Variants in SLC4A10 observed in about 807,000 individuals in gnomAD.
SLC4A10 encodes sodium-driven chloride bicarbonate exchanger.
In SLC4A10, 42 loss-of-function variants were observed where a neutral mutation model predicts 137.7. The ratio of observed to expected loss-of-function variants is 0.30; its 90% CI spans 0.24 to 0.39. SLC4A10 has a LOEUF of 0.39. SLC4A10 is among the 10% of genes least tolerant of loss of function. SLC4A10 has a pLI of 1.00. For missense variants in SLC4A10, 925 were observed against 1,355.0 expected (o/e 0.68, Z 4.98); for synonymous variants, 474 against 464.1 (o/e 1.02, Z -0.27).
At chr2:161,726,931 G>T (rs1249577243) in intron 1 of SLC4A10, among the ~76,000 whole-genome samples, 1 of 152,072 alleles carries the variant, frequency 6.6e-6, no homozygotes, top group Non-Finnish European at 1.5e-5. Context: ...AACAAACAAA[G>T]AGACTCAAGT....
intron 3 of SLC4A10, among the ~76,000 whole-genome samples, chr2:161,836,946 C>T (rs1414777685): frequency 6.6e-6 from 1 of 152,126 alleles, no homozygotes; most frequent in Non-Finnish European, 1.5e-5. Flanking sequence ...ATTCTATATC[C>T]ACTGACATAT....
intron 6 of SLC4A10, among the ~76,000 whole-genome samples, chr2:161,869,037 T>A (rs921122150): frequency 6.6e-6 from 1 of 151,692 alleles, no homozygotes; most frequent in Non-Finnish European, 1.5e-5. Context: ...TATAGCACTT[T>A]AAAAAAATTA....
rs1178999780 is a variant in SLC4A10, at chr2:161,958,475, G to A, written c.2794-12G>A. On this transcript the variant is annotated splice_polypyrimidine_tract_variant and intron_variant, in intron 20 of 26. Coordinates refer to ENST00000446997, the MANE Select transcript of SLC4A10 (RefSeq NM_001178015.2). ...AATGATTTCTGCCTTTTCTCCAATT[G>A]TTCTTTTACAGTTTATTCCCATGCC... The A allele has an allele frequency of 1.2e-6, 2 of 1,602,996 alleles. No individual in the cohort carries two copies. The highest frequency in any genetic ancestry group is 2.2e-5 in the East Asian group (1 of 44,604).
intron 24 of SLC4A10, among the ~76,000 whole-genome samples, chr2:161,975,226 A>T (rs1699205851): frequency 6.6e-6 from 1 of 152,118 alleles, no homozygotes; most frequent in African/African-American, 2.4e-5. Flanking sequence ...CAACATTTAA[A>T]TTTTAAAATC....
chr2:161,691,235 C>A (rs2041961963), intron 1 of SLC4A10, among the ~76,000 whole-genome samples: 2 of 139,148 alleles, frequency 1.4e-5, no homozygotes, highest in Admixed American at 1.6e-4. Flanking sequence ...AAATTAGACA[C>A]TATTTTCCCA....
At chr2:161,685,954 G>C (rs2041357806) in intron 1 of SLC4A10, among the ~76,000 whole-genome samples, 1 of 152,150 alleles carries the variant, frequency 6.6e-6, no homozygotes, top group Non-Finnish European at 1.5e-5. Flanking sequence ...TCATAGTCTG[G>C]TGATGAAAAT....
intron 7 of SLC4A10, among the ~76,000 whole-genome samples, chr2:161,872,644 A>G (rs1049416935): frequency 1.3e-5 from 2 of 151,618 alleles, no homozygotes; most frequent in Non-Finnish European, 2.9e-5. Flanking sequence ...TCTTCCAATA[A>G]AAAGAATAAC....
chr2:161,961,529 A>G (rs1218261682), intron 21 of SLC4A10, among the ~76,000 whole-genome samples: 2 of 140,882 alleles, frequency 1.4e-5, no homozygotes, highest in Admixed American at 1.5e-4. Context: ...GGTTTTGTTT[A>G]TTTGTTTTTC....
chr2:161,826,018 T>A (rs1390952835), intron 3 of SLC4A10, among the ~76,000 whole-genome samples: 1 of 152,210 alleles, frequency 6.6e-6, no homozygotes, highest in African/African-American at 2.4e-5. Context: ...TCTATTACCC[T>A]GTAATGAAAT....
intron 26 of SLC4A10, among the ~76,000 whole-genome samples, chr2:161,982,628 T>C (rs1280722099): frequency 6.6e-6 from 1 of 152,180 alleles, no homozygotes; most frequent in Non-Finnish European, 1.5e-5. Flanking sequence ...TGTAAAGAGA[T>C]AGCACAGGTG....
At chr2:161,842,592 A>G (rs1199616851) in intron 4 of SLC4A10, among the ~76,000 whole-genome samples, 2 of 152,120 alleles carry the variant, frequency 1.3e-5, no homozygotes, top group African/African-American at 4.8e-5. Context: ...CCTTTTTAAT[A>G]AAATAATTTA....
At chr2:161,973,949 A>G (rs999897083) in intron 23 of SLC4A10, among the ~76,000 whole-genome samples, 1 of 152,194 alleles carries the variant, frequency 6.6e-6, no homozygotes, top group African/African-American at 2.4e-5. Context: ...CTTTTTTCTT[A>G]TAAAATTTAG....
intron 1 of SLC4A10, among the ~76,000 whole-genome samples, chr2:161,692,565 T>C (rs2042102525): frequency 6.6e-6 from 1 of 152,042 alleles, no homozygotes; most frequent in African/African-American, 2.4e-5. Context: ...CTAAAATAGC[T>C]TAATAAAGTC....
At chr2:161,795,120 G>A (rs1377088839) in intron 2 of SLC4A10, among the ~76,000 whole-genome samples, 1 of 151,882 alleles carries the variant, frequency 6.6e-6, no homozygotes, top group African/African-American at 2.4e-5. Context: ...CTGTGTTTCT[G>A]TGCCTCCCCT....
At chr2:161,816,176 C>T (rs2057038226) in intron 3 of SLC4A10, among the ~76,000 whole-genome samples, 1 of 152,108 alleles carries the variant, frequency 6.6e-6, no homozygotes, top group Admixed American at 6.6e-5. Flanking sequence ...CATTTCCATG[C>T]TGAAGGCATT....
chr2:161,943,077 A>G (rs962683376), intron 16 of SLC4A10, among the ~76,000 whole-genome samples, 180 bp downstream of exon 16: 6 of 152,138 alleles, frequency 3.9e-5, no homozygotes, highest in Non-Finnish European at 8.8e-5. Context: ...TTCATTATTA[A>G]GGTTGTTCTA....
At chr2:161,710,683 C>G (rs569469179) in intron 1 of SLC4A10, 1 of 455,508 alleles carries the variant, frequency 2.2e-6, no homozygotes, top group Non-Finnish European at 4.4e-6. Context: ...TGGTCATCTT[C>G]CTTACAAAGG....
At chr2:161,818,725 G>A (rs1290439554) in intron 3 of SLC4A10, among the ~76,000 whole-genome samples, 3 of 152,114 alleles carry the variant, frequency 2.0e-5, no homozygotes, top group Non-Finnish European at 4.4e-5. Context: ...TTCTGCATCT[G>A]TTGAAATAAT....
chr2:161,880,077 T>A (rs1306390047), intron 9 of SLC4A10, among the ~76,000 whole-genome samples: 1 of 152,142 alleles, frequency 6.6e-6, no homozygotes, highest in Non-Finnish European at 1.5e-5. Flanking sequence ...AGGAACCTTG[T>A]TTTCTTCCAT....
Sources: allele counts gnomAD v4.1 joint callset (sites outside exome capture counted in the v4.1 genomes callset), GRCh38; gene constraint gnomAD v4.1.1; transcripts MANE v1.5; gene names NCBI Gene and HGNC (gene_info 2026-07-23, HGNC 2026-07-21).